CFI: variants seen among roughly 807,000 people sequenced by gnomAD.
The protein encoded by CFI is C3B/C4B inactivator.
Under a neutral mutation model 78.8 loss-of-function variants are expected in CFI, and 66 were observed. That is an observed-to-expected ratio of 0.84 (90% CI 0.69 to 1.03). The LOEUF is 1.03. CFI is among the 50% of genes least tolerant of loss of function. The pLI, the probability that CFI is intolerant of heterozygous loss-of-function variation, is 0.00. For synonymous variants in CFI, 250 were observed against 232.6 expected (o/e 1.07, Z -0.68); for missense variants, 706 against 704.5 (o/e 1.00, Z -0.02).
At chr4:109,734,303 G>A in the CFI span, among the ~76,000 whole-genome samples, 11 of 152,154 alleles carry the variant, frequency 7.2e-5, no homozygotes, top group Admixed American at 7.2e-4. Context: ...AGAAGGAGCA[G>A]CCAAGTGCAG....
At chr4:109,731,937 G>A in the CFI span, among the ~76,000 whole-genome samples, 13 of 152,246 alleles carry the variant, frequency 8.5e-5, no homozygotes, top group African/African-American at 3.1e-4. Flanking sequence ...TTAGCTTTCT[G>A]GAACATTGGT....
chr4:109,745,294 C>T (rs1724276701), intron 11 of CFI, among the ~76,000 whole-genome samples: 1 of 152,058 alleles, frequency 6.6e-6, no homozygotes, highest in South Asian at 2.1e-4. Context: ...GTGATCCTCC[C>T]ACTTCAGCCC....
chr4:109,775,626 T>C (rs1208595809), intron 1 of CFI, among the ~76,000 whole-genome samples: 1 of 152,200 alleles, frequency 6.6e-6, no homozygotes, highest in Non-Finnish European at 1.5e-5. Flanking sequence ...TAAATGTCCC[T>C]GTCTGACAGC....
intron 3 of CFI, chr4:109,761,936 T>G: frequency 2.2e-6 from 1 of 458,536 alleles, no homozygotes; most frequent in Non-Finnish European, 4.0e-6. Context: ...ACGCCTGTAA[T>G]CCCAGCACTT....
chr4:109,792,193 G>A (rs1418525964), intron 1 of CFI, among the ~76,000 whole-genome samples: 1 of 152,126 alleles, frequency 6.6e-6, no homozygotes, highest in African/African-American at 2.4e-5. Context: ...GGTCTACTGG[G>A]CTTATAGTGT....
intron 1 of CFI, among the ~76,000 whole-genome samples, chr4:109,797,047 AT>A (rs1001058827): frequency 6.6e-6 from 1 of 152,210 alleles, no homozygotes; most frequent in Non-Finnish European, 1.5e-5. Flanking sequence ...TTGCAAAGGC[AT>A]TTTTTTACAG....
At chr4:109,744,805 CTGA>C (rs2126184018) in intron 11 of CFI, among the ~76,000 whole-genome samples, 1 of 152,162 alleles carries the variant, frequency 6.6e-6, no homozygotes, top group Admixed American at 6.5e-5. Flanking sequence ...TGACAGAATG[CTGA>C]TAACTGTGAA....
intron 1 of CFI, among the ~76,000 whole-genome samples, chr4:109,789,838 T>C (rs968903032): frequency 3.3e-5 from 5 of 152,112 alleles, no homozygotes; most frequent in African/African-American, 9.7e-5. Flanking sequence ...GCGGAATGCA[T>C]AGGAAGTGTT....
chr4:109,779,975 CACCTTAT>C lies in CFI; in HGVS notation c.58-13158_58-13152del, dbSNP rs1290361323. The stretch of plus-strand genomic sequence containing the variant: ...CCCTTCCTTATAAGGTGTATATTTA[CACCTTAT>C]AAAAAATTAATTCAAGATGGATTAA... On this transcript the variant is annotated intron_variant, in intron 1 of 12. Transcript: ENST00000394634. Among the ~76,000 whole-genome samples, 54 of 149,440 alleles carry C rather than the reference CACCTTAT, an allele frequency of 3.6e-4. No individual in the cohort carries two copies. The South Asian group carries it at 0.011, about 32-fold the overall frequency.
chr4:109,786,508 T>C (rs1730762704), intron 1 of CFI, among the ~76,000 whole-genome samples: 1 of 152,144 alleles, frequency 6.6e-6, no homozygotes, highest in Admixed American at 6.6e-5. Flanking sequence ...TATATAGCTA[T>C]ATGCCTTATC....
At chr4:109,791,656 A>G (rs1182990869) in intron 1 of CFI, among the ~76,000 whole-genome samples, 1 of 152,058 alleles carries the variant, frequency 6.6e-6, no homozygotes, top group African/African-American at 2.4e-5. Context: ...ATTTTCTGCA[A>G]TTGGCTAGCC....
intron 7 of CFI, among the ~76,000 whole-genome samples, chr4:109,752,969 T>A (rs1725350877): frequency 1.0e-5 from 1 of 96,848 alleles, no homozygotes; most frequent in African/African-American, 3.7e-5. Flanking sequence ...TTATTATATA[T>A]TTATTATATG....
At chr4:109,790,630 C>T (rs1248914623) in intron 1 of CFI, among the ~76,000 whole-genome samples, 1 of 152,034 alleles carries the variant, frequency 6.6e-6, no homozygotes, top group Non-Finnish European at 1.5e-5. Flanking sequence ...CTGATAGGCC[C>T]CTCTATGTGT....
chr4:109,783,824 T>G (rs927059666), intron 1 of CFI, among the ~76,000 whole-genome samples: 2 of 139,816 alleles, frequency 1.4e-5, no homozygotes, highest in Non-Finnish European at 3.1e-5. Context: ...TATATATATA[T>G]ATATATATAT....
intron 2 of CFI, among the ~76,000 whole-genome samples, chr4:109,765,211 G>A (rs995457379): frequency 3.3e-5 from 5 of 152,162 alleles, no homozygotes; most frequent in African/African-American, 1.2e-4. Flanking sequence ...CAAACAGGGA[G>A]CTTTTCCCCT....
intron 7 of CFI, among the ~76,000 whole-genome samples, chr4:109,756,363 G>A (rs1367808517): frequency 7.0e-6 from 1 of 142,532 alleles, no homozygotes; most frequent in Non-Finnish European, 1.6e-5. Context: ...GCAGCAGGAG[G>A]AGGAGGAGGA....
chr4:109,791,301 C>A lies in CFI; in HGVS notation c.57+10614G>T, dbSNP rs537435787. 2.2e-3 allele frequency among the ~76,000 whole-genome samples: 327 copies of A among 151,116 alleles called. 1 individual carries two copies. Among genetic ancestry groups the A allele is most frequent in the African/African-American group, 7.4e-3 (303 of 41,202 alleles). On this transcript the variant is annotated intron_variant, in intron 1 of 12. Transcript: ENST00000394634. ...CCACTTTTTAATGGGTTGTTTTTTTCTTGTAAATTTGTTTAAGTTCCTTAT... is the reference window on the plus strand; with the variant it reads ...CCACTTTTTAATGGGTTGTTTTTTTATTGTAAATTTGTTTAAGTTCCTTAT...
rs141639525 is a variant in CFI at position 109,763,673 on chromosome 4, A to G, written c.482+864T>C. On this transcript the variant is annotated intron_variant, in intron 3 of 12. Coordinates refer to ENST00000394634, the MANE Select transcript of CFI (RefSeq NM_000204.5). ...AGATCTAAACAGAGCAGCTAATTCT[A>G]TTAATAATGAGTAACATATCTATTA... Among the ~76,000 whole-genome samples, 571 of 152,174 alleles carry G rather than the reference A, an allele frequency of 3.8e-3. 7 individuals are homozygous for G. The highest frequency in any genetic ancestry group is 0.013 in the African/African-American group (551 of 41,574).
rs2125880198 is a variant in CFI, at chr4:109,800,219, A to G, written c.57+1696T>C. 2.6e-5 allele frequency among the ~76,000 whole-genome samples: 4 copies of G among 152,090 alleles called. No homozygotes were observed. The South Asian group carries it at 8.3e-4, about 32-fold the overall frequency. On this transcript the variant is annotated intron_variant, in intron 1 of 12. Coordinates refer to ENST00000394634, the MANE Select transcript of CFI (RefSeq NM_000204.5). Reference sequence around the variant, plus strand: ...CCACCCATATGTGCCTGAGTTTGTAATAAAATTTTAGGGTAAAATAAAATT... The same window carrying G: ...CCACCCATATGTGCCTGAGTTTGTAGTAAAATTTTAGGGTAAAATAAAATT...
Sources: allele counts gnomAD v4.1 joint callset (sites outside exome capture counted in the v4.1 genomes callset), GRCh38; gene constraint gnomAD v4.1.1; transcripts MANE v1.5; gene names NCBI Gene and HGNC (gene_info 2026-07-23, HGNC 2026-07-21).